GPC5: variants seen among roughly 807,000 people sequenced by gnomAD.
The protein encoded by GPC5 is glypican-5.
In GPC5, 47 loss-of-function variants were observed where a neutral mutation model predicts 53.9. The observed-to-expected ratio is 0.87, with a 90% CI of 0.69 to 1.11. The LOEUF (loss-of-function observed/expected upper bound fraction) is 1.11, where lower values mean the gene tolerates loss of function less well. Ranked by LOEUF, GPC5 falls within the 50% of genes most tolerant of loss-of-function variation. The pLI is 0.00. For synonymous variants in GPC5, 286 were observed against 263.3 expected (o/e 1.09, Z -0.84); for missense variants, 748 against 713.1 (o/e 1.05, Z -0.56).
chr13:92,654,983 CAG>C (rs1160803198), intron 7 of GPC5, among the ~76,000 whole-genome samples: 1 of 152,122 alleles, frequency 6.6e-6, no homozygotes, highest in African/African-American at 2.4e-5. Context: ...TAGATGGAGA[CAG>C]AGGCTGGCAT....
intron 6 of GPC5, among the ~76,000 whole-genome samples, chr13:92,110,354 A>G (rs1328502658): frequency 6.6e-6 from 1 of 152,190 alleles, no homozygotes; most frequent in Non-Finnish European, 1.5e-5. Flanking sequence ...ACTACCTGAC[A>G]AGAAAGGTCT....
chr13:91,658,129 G>A (rs535839297), intron 2 of GPC5, among the ~76,000 whole-genome samples: 2 of 152,212 alleles, frequency 1.3e-5, no homozygotes, highest in Admixed American at 6.5e-5. Flanking sequence ...AGAGGCTGGA[G>A]TAGGGCAAGC....
At chr13:92,621,090 T>A (rs116058377) in intron 7 of GPC5, among the ~76,000 whole-genome samples, 3,208 of 152,140 alleles carry the variant, frequency 0.021, 88 homozygotes, top group African/African-American at 0.061. Context: ...TTCTCTTGCC[T>A]CTTCTTAAGT....
chr13:92,120,608 T>C (rs2041641438), intron 6 of GPC5, among the ~76,000 whole-genome samples: 1 of 152,228 alleles, frequency 6.6e-6, no homozygotes, highest in Non-Finnish European at 1.5e-5. Flanking sequence ...CACTTTTATG[T>C]ACAAAAATGT....
chr13:92,468,658 C>G (rs1382640232), intron 7 of GPC5, among the ~76,000 whole-genome samples: 1 of 152,080 alleles, frequency 6.6e-6, no homozygotes, highest in East Asian at 1.9e-4. Flanking sequence ...TTTTTGCATA[C>G]ATAGGATTAA....
In GPC5 at chr13:92,123,506, A is replaced by T. The variant is rs1314919731; in HGVS notation, c.1402-21324A>T. Among the ~76,000 whole-genome samples, 92 of 152,306 alleles carry T rather than the reference A, an allele frequency of 6.0e-4. 1 individual carries two copies. The highest frequency in any genetic ancestry group is 3.9e-4 in the East Asian group (2 of 5,192). On this transcript the variant is annotated intron_variant, in intron 6 of 7. Transcript: ENST00000377067. ...TTTACAGGGAGCCAGAGTCTCATTT[A>T]TGTCACCTTAGATTATTTTACAAGT... is the stretch of plus-strand genomic sequence containing the variant.
chr13:91,983,218 C>T (rs1436553984), intron 6 of GPC5, among the ~76,000 whole-genome samples: 6 of 151,940 alleles, frequency 3.9e-5, no homozygotes, highest in Non-Finnish European at 5.9e-5. Flanking sequence ...TACTGGCGGG[C>T]GCCTGTAGTC....
At chr13:92,056,830 C>T (rs1439424144) in intron 6 of GPC5, among the ~76,000 whole-genome samples, 2 of 152,134 alleles carry the variant, frequency 1.3e-5, no homozygotes, top group Non-Finnish European at 2.9e-5. Flanking sequence ...AATAATGACA[C>T]TGTTATCAAG....
At chr13:92,388,546 G>A (rs779764793) in intron 7 of GPC5, among the ~76,000 whole-genome samples, 12 of 151,984 alleles carry the variant, frequency 7.9e-5, no homozygotes, top group Admixed American at 2.6e-4. Flanking sequence ...GAATATACCC[G>A]CAATTAAACA....
At chr13:91,740,863 C>T (rs1297274593) in intron 4 of GPC5, among the ~76,000 whole-genome samples, 1 of 152,150 alleles carries the variant, frequency 6.6e-6, no homozygotes, top group Non-Finnish European at 1.5e-5. Flanking sequence ...AAGCTATTAG[C>T]AAGCTTAAAT....
At chr13:92,218,041 A>G (rs2042423526) in intron 7 of GPC5, among the ~76,000 whole-genome samples, 1 of 148,210 alleles carries the variant, frequency 6.7e-6, no homozygotes, top group African/African-American at 2.5e-5. Flanking sequence ...CTCCTGCCTC[A>G]GCCTCCTGAG....
intron 4 of GPC5, among the ~76,000 whole-genome samples, chr13:91,733,314 TA>T (rs1359247934): frequency 6.6e-6 from 1 of 152,110 alleles, no homozygotes; most frequent in Non-Finnish European, 1.5e-5. Context: ...TTGGTATTTT[TA>T]GTAGAGATGG....
chr13:92,143,083 A>G (rs1053856687), intron 6 of GPC5, among the ~76,000 whole-genome samples: 2 of 152,110 alleles, frequency 1.3e-5, no homozygotes, highest in Non-Finnish European at 2.9e-5. Context: ...TGTTTTTCTC[A>G]CAATATGAGC....
intron 7 of GPC5, among the ~76,000 whole-genome samples, chr13:92,723,270 A>T (rs745616716): frequency 4.1e-5 from 4 of 97,924 alleles, no homozygotes; most frequent in Non-Finnish European, 6.0e-5. Context: ...CAGGAATGAA[A>T]TACACCTACA....
intron 2 of GPC5, among the ~76,000 whole-genome samples, chr13:91,689,230 T>TAC (rs71272300): frequency 4.3e-4 from 35 of 81,052 alleles, no homozygotes; most frequent in East Asian, 1.3e-3. Context: ...TATATATATA[T>TAC]ACACATATAA....
intron 2 of GPC5, among the ~76,000 whole-genome samples, chr13:91,607,367 C>A (rs2033404982): frequency 6.6e-6 from 1 of 152,072 alleles, no homozygotes; most frequent in African/African-American, 2.4e-5. Context: ...TTTCCTCAAG[C>A]AAACTGAAGG....
intron 7 of GPC5, among the ~76,000 whole-genome samples, chr13:92,656,527 G>C (rs900332370): frequency 2.6e-5 from 4 of 152,070 alleles, no homozygotes; most frequent in African/African-American, 4.8e-5. Context: ...GGAACCAATG[G>C]GCTACATTCA....
At chr13:91,434,934 A>T (rs945047163) in intron 1 of GPC5, among the ~76,000 whole-genome samples, 2 of 152,006 alleles carry the variant, frequency 1.3e-5, no homozygotes, top group African/African-American at 4.8e-5. Flanking sequence ...TAGGTATTTT[A>T]TTCTCTTTGA....
chr13:92,700,601 T>C (rs185647840), intron 7 of GPC5, among the ~76,000 whole-genome samples: 46 of 152,206 alleles, frequency 3.0e-4, no homozygotes, highest in Admixed American at 2.7e-3. Context: ...CAAATGTGTT[T>C]CTGCTTCTAT....
Sources: gnomAD v4.1 joint callset for allele counts (sites outside exome capture counted in the v4.1 genomes callset) on GRCh38, gnomAD v4.1.1 for gene constraint, MANE v1.5 for transcripts, NCBI Gene and HGNC (gene_info 2026-07-23, HGNC 2026-07-21) for gene names.